FER: variants seen among roughly 807,000 people sequenced by gnomAD.
FER encodes the protein FER tyrosine kinase.
A neutral mutation model predicts 111.0 loss-of-function variants in FER; 63 were observed. The observed-to-expected ratio is 0.57, with a 90% CI of 0.46 to 0.70. The LOEUF is 0.70. Among genes scored for constraint, FER ranks in the 30% least tolerant of loss-of-function variants. The pLI is 0.00. For missense variants in FER, 914 were observed against 954.0 expected, an observed-to-expected ratio of 0.96 and a Z score of 0.55; for synonymous variants, 327 against 313.9, an observed-to-expected ratio of 1.04 and a Z score of -0.44.
chr5:108,950,547 A>G (rs1041571988), intron 11 of FER, among the ~76,000 whole-genome samples: 2 of 152,184 alleles, frequency 1.3e-5, no homozygotes, highest in African/African-American at 2.4e-5. Flanking sequence ...CAGAACCACT[A>G]TTTTAACTAA....
intron 17 of FER, among the ~76,000 whole-genome samples, chr5:109,154,099 C>T (rs912467849): frequency 2.0e-5 from 3 of 151,536 alleles, no homozygotes; most frequent in African/African-American, 7.3e-5. Context: ...CCATGCTGCT[C>T]GAAGAACGGG....
chr5:109,055,824 G>A (rs1483332324), intron 16 of FER, among the ~76,000 whole-genome samples: 2 of 128,826 alleles, frequency 1.6e-5, no homozygotes, highest in Admixed American at 1.5e-4. Context: ...TACAACTGAT[G>A]TACCAAAAGA....
chr5:109,156,131 T>C (rs748590544), intron 17 of FER, among the ~76,000 whole-genome samples: 17 of 152,082 alleles, frequency 1.1e-4, no homozygotes, highest in East Asian at 7.7e-4. Context: ...ATTTGTGTTA[T>C]AGAAATAACA....
At chr5:108,897,524 C>A (rs1749324921) in intron 9 of FER, 135 bp from the exon 10 acceptor site, 1 of 598,972 alleles carries the variant, frequency 1.7e-6, no homozygotes, top group Admixed American at 3.9e-5. Context: ...TTAAAATCTG[C>A]TTAGTTTCAT....
At chr5:108,792,185 G>T (rs1223439115) in intron 2 of FER, among the ~76,000 whole-genome samples, 1 of 152,064 alleles carries the variant, frequency 6.6e-6, no homozygotes, top group Non-Finnish European at 1.5e-5. Context: ...TTTCTGTATA[G>T]ATTTTAGGAT....
At chr5:108,822,625 C>T (rs1306099766) in intron 3 of FER, among the ~76,000 whole-genome samples, 3 of 152,132 alleles carry the variant, frequency 2.0e-5, no homozygotes, top group Non-Finnish European at 4.4e-5. Context: ...AAGCCACCCA[C>T]ATAGTAGCAG....
intron 14 of FER, among the ~76,000 whole-genome samples, chr5:109,043,804 C>A (rs976225709): frequency 6.6e-6 from 1 of 152,008 alleles, no homozygotes; most frequent in Non-Finnish European, 1.5e-5. Flanking sequence ...AACCCCATCT[C>A]TACTAAAAAT....
chr5:108,933,156 G>T (rs1383675735), intron 10 of FER, among the ~76,000 whole-genome samples: 2 of 152,142 alleles, frequency 1.3e-5, no homozygotes, highest in African/African-American at 2.4e-5. Context: ...TTTTAGTCAT[G>T]AAGTGTTTGC....
At chr5:108,755,705 C>T (rs1429714941) in intron 1 of FER, among the ~76,000 whole-genome samples, 3 of 151,598 alleles carry the variant, frequency 2.0e-5, no homozygotes, top group South Asian at 2.1e-4. Flanking sequence ...AGGCTTGTCA[C>T]AAACTCCTGA....
At chr5:109,184,099 G>T (rs1469395600) in intron 18 of FER, among the ~76,000 whole-genome samples, 2 of 152,176 alleles carry the variant, frequency 1.3e-5, no homozygotes, top group Admixed American at 6.5e-5. Context: ...TTTATAAGGG[G>T]AAAATAGAAT....
chr5:108,778,464 CTGT>C (rs1753724252), intron 2 of FER, among the ~76,000 whole-genome samples: 1 of 152,184 alleles, frequency 6.6e-6, no homozygotes, highest in East Asian at 1.9e-4. Flanking sequence ...ATGAAAGTTC[CTGT>C]TGTTCCACAT....
chr5:108,956,699 A>G (rs970257118), intron 12 of FER, among the ~76,000 whole-genome samples: 24 of 151,554 alleles, frequency 1.6e-4, no homozygotes, highest in African/African-American at 5.8e-4. Flanking sequence ...CTGCTGCCTA[A>G]TTTTATTCTA....
intron 9 of FER, among the ~76,000 whole-genome samples, chr5:108,892,467 T>A: frequency 6.6e-6 from 1 of 152,242 alleles, no homozygotes; most frequent in Non-Finnish European, 1.5e-5. Flanking sequence ...AATGTCTTCT[T>A]TTGAGAAGTG....
At chr5:109,051,760 T>C (rs1406454804) in intron 16 of FER, 9 of 1,574,178 alleles carry the variant, frequency 5.7e-6, no homozygotes, top group Non-Finnish European at 7.0e-6. Flanking sequence ...CTTAACGCCC[T>C]TGAAGAAAAC....
chr5:108,917,066 A>G (rs911722043), intron 10 of FER, among the ~76,000 whole-genome samples: 3 of 152,132 alleles, frequency 2.0e-5, no homozygotes, highest in Non-Finnish European at 4.4e-5. Flanking sequence ...AGAAAATTTC[A>G]TTGCCAGTCT....
chr5:108,970,197 A>T (rs555395007), intron 13 of FER, among the ~76,000 whole-genome samples: 1 of 147,638 alleles, frequency 6.8e-6, no homozygotes, highest in Non-Finnish European at 1.5e-5. Context: ...TATTTAATTT[A>T]TTTGATTTAT....
intron 3 of FER, among the ~76,000 whole-genome samples, chr5:108,828,141 A>G (rs1047842608): frequency 9.2e-5 from 14 of 151,988 alleles, no homozygotes; most frequent in Admixed American, 1.3e-4. Flanking sequence ...AAACACTGGG[A>G]TTACAGATAT....
chr5:108,997,373 T>C (rs548757684), intron 13 of FER, among the ~76,000 whole-genome samples: 110 of 145,084 alleles, frequency 7.6e-4, no homozygotes, highest in African/African-American at 2.7e-3. Context: ...AGCGAGAGCA[T>C]GCCACTGCAC....
chr5:108,762,437 C>G lies in FER; in HGVS notation c.-205-5656C>G, dbSNP rs1751864389. ...ATCCTGGTTCGGCAACATCCTTTTTCTCCTTCTGCATGATTCCTAAAAAGT... is the reference window on the plus strand; with the variant it reads ...ATCCTGGTTCGGCAACATCCTTTTTGTCCTTCTGCATGATTCCTAAAAAGT... On this transcript the variant is annotated intron_variant, in intron 1 of 19. Coordinates refer to ENST00000281092, the MANE Select transcript of FER (RefSeq NM_005246.4). Among the ~76,000 whole-genome samples the G allele has an allele frequency of 2.6e-5, 4 of 152,304 alleles. No homozygotes were observed. In the South Asian group the frequency reaches 8.3e-4, roughly 32 times the overall value.
Sources: gnomAD v4.1 joint callset for allele counts (sites outside exome capture counted in the v4.1 genomes callset) on GRCh38, gnomAD v4.1.1 for gene constraint, MANE v1.5 for transcripts, NCBI Gene and HGNC (gene_info 2026-07-23, HGNC 2026-07-21) for gene names.